EXT2: variants seen among roughly 807,000 people sequenced by gnomAD.
The protein encoded by EXT2 is exostosin glycosyltransferase 2.
A neutral mutation model predicts 81.6 loss-of-function variants in EXT2; 53 were observed. The ratio of observed to expected loss-of-function variants is 0.65; its 90% CI spans 0.52 to 0.82. The LOEUF (loss-of-function observed/expected upper bound fraction) is 0.82. Among genes scored for constraint, EXT2 ranks in the 40% least tolerant of loss-of-function variants. The pLI, the probability that EXT2 is intolerant of heterozygous loss-of-function variation, is 0.00. For missense variants in EXT2, 774 were observed against 910.2 expected (o/e 0.85, Z 1.93); for synonymous variants, 320 against 340.0 (o/e 0.94, Z 0.65).
At chr11:44,223,890 A>G (rs939634427) in intron 10 of EXT2, among the ~76,000 whole-genome samples, 16 of 152,024 alleles carry the variant, frequency 1.1e-4, no homozygotes, top group African/African-American at 3.4e-4. Flanking sequence ...TGACCTTGTG[A>G]TCCACCCGCC....
rs141822135 is a variant in EXT2 at position 44,115,872 on chromosome 11, G to A, written c.743+1571G>A. On this transcript the variant is annotated intron_variant, in intron 4 of 13. Coordinates refer to ENST00000533608, the MANE Select transcript of EXT2 (RefSeq NM_207122.2). ...TAGACGATGTGTAAAGCCCAGGTGAGCTTGAGACATTTTTGTTCCTACCCT... is the reference window on the plus strand; with the variant it reads ...TAGACGATGTGTAAAGCCCAGGTGAACTTGAGACATTTTTGTTCCTACCCT... 353 of 152,294 alleles carry A rather than the reference G, an allele frequency of 2.3e-3. 5 individuals are homozygous for A. The highest frequency in any genetic ancestry group is 7.9e-3 in the African/African-American group (328 of 41,566). 9.4% of individuals were successfully genotyped at this position (152,294 alleles called of 1,614,324 possible).
rs991125964 is a variant in EXT2, at chr11:44,244,871, A to G, written c.*584A>G. ...GCTGAGTCAGGATCCTGTCAGTTCC[A>G]TGAGCTATTCCTCTTTGGTTTGGCT... On this transcript the variant is annotated 3_prime_UTR_variant, in exon 14 of 14. Transcript: ENST00000533608. 1 of 235,580 alleles carries G rather than the reference A, an allele frequency of 4.2e-6. No homozygotes were observed. The highest frequency in any genetic ancestry group is 8.4e-6 in the Non-Finnish European group (1 of 119,292). The allele number at this position is 235,580 out of a possible 1,614,324, so 14.6% of individuals were successfully genotyped here. A position where few individuals can be genotyped will look rare whatever the true frequency, so the allele number is the denominator to read the frequency against.
At chr11:44,150,994 C>T (rs1337221055) in intron 7 of EXT2, among the ~76,000 whole-genome samples, 2 of 152,100 alleles carry the variant, frequency 1.3e-5, no homozygotes, top group African/African-American at 2.4e-5. Context: ...GAAAAATTGT[C>T]AGATGAATTA....
intron 10 of EXT2, among the ~76,000 whole-genome samples, chr11:44,230,830 C>G (rs1210348820): frequency 6.6e-6 from 1 of 152,016 alleles, no homozygotes; most frequent in Non-Finnish European, 1.5e-5. Context: ...AACAGCAACC[C>G]TAGGAAACTG....
chr11:44,179,338 CAT>C (rs1416674932), intron 8 of EXT2, among the ~76,000 whole-genome samples: 1 of 152,202 alleles, frequency 6.6e-6, no homozygotes, highest in Non-Finnish European at 1.5e-5. Flanking sequence ...AATCTACACA[CAT>C]TGTTTCCTTA....
intron 4 of EXT2, among the ~76,000 whole-genome samples, chr11:44,121,246 T>C (rs1337013239): frequency 6.6e-6 from 1 of 152,208 alleles, no homozygotes; most frequent in Non-Finnish European, 1.5e-5. Context: ...GTGATCCTGG[T>C]AACTGAATGT....
chr11:44,145,717 G>A lies in EXT2; in HGVS notation c.1173+15579G>A, dbSNP rs78327012. ...AAACTTAAGTGACAGATTCAAGATT[G>A]GGAAGAATTTTGGCATATGACTAAA... On this transcript the variant is annotated intron_variant, in intron 7 of 13. Transcript: ENST00000533608. 1.1e-3 allele frequency among the ~76,000 whole-genome samples: 164 copies of A among 152,272 alleles called. 1 individual carries two copies. The East Asian group carries it at 0.031, about 28-fold the overall frequency.
chr11:44,097,068 T>C (rs1219269794), intron 1 of EXT2, among the ~76,000 whole-genome samples: 1 of 152,232 alleles, frequency 6.6e-6, no homozygotes, highest in East Asian at 1.9e-4. Context: ...CATTTCCAGT[T>C]GTGTAATATT....
intron 10 of EXT2, among the ~76,000 whole-genome samples, chr11:44,230,484 G>C (rs950886611): frequency 5.9e-5 from 9 of 152,180 alleles, no homozygotes; most frequent in Non-Finnish European, 1.3e-4. Context: ...TGGAAATGGG[G>C]TATTTTCAGA....
chr11:44,243,212 A>G (rs1285436501), intron 13 of EXT2, among the ~76,000 whole-genome samples: 2 of 152,140 alleles, frequency 1.3e-5, no homozygotes, highest in Non-Finnish European at 2.9e-5. Flanking sequence ...CTTGACTTCA[A>G]AAGCAGCTTT....
chr11:44,140,648 T>C (rs139949941), intron 7 of EXT2, among the ~76,000 whole-genome samples: 4 of 152,284 alleles, frequency 2.6e-5, no homozygotes, highest in Non-Finnish European at 2.9e-5. Context: ...TTACTCTCCT[T>C]CTCCTTTAAA....
intron 10 of EXT2, among the ~76,000 whole-genome samples, chr11:44,210,014 T>C (rs1281649434): frequency 1.3e-5 from 2 of 152,206 alleles, no homozygotes; most frequent in Non-Finnish European, 2.9e-5. Flanking sequence ...ATAGAAAAGA[T>C]TATTCTGGCC....
intron 7 of EXT2, among the ~76,000 whole-genome samples, chr11:44,171,004 A>G (rs1955065103): frequency 6.6e-6 from 1 of 152,256 alleles, no homozygotes; most frequent in Non-Finnish European, 1.5e-5. Flanking sequence ...TTATAAGGCC[A>G]GCATAACCTT....
intron 7 of EXT2, among the ~76,000 whole-genome samples, chr11:44,167,231 A>G (rs1425077058): frequency 6.6e-6 from 1 of 152,228 alleles, no homozygotes; most frequent in Non-Finnish European, 1.5e-5. Context: ...AAGAAAGTGA[A>G]AAATGTGCTC....
At chr11:44,175,521 T>C (rs1433860312) in intron 8 of EXT2, among the ~76,000 whole-genome samples, 28 of 152,166 alleles carry the variant, frequency 1.8e-4, no homozygotes, top group Admixed American at 1.8e-3. Flanking sequence ...TTGGCACACC[T>C]TTCTTCCCCA....
At chr11:44,213,985 G>A (rs1032833153) in intron 10 of EXT2, among the ~76,000 whole-genome samples, 1 of 152,070 alleles carries the variant, frequency 6.6e-6, no homozygotes, top group African/African-American at 2.4e-5. Context: ...TTAGAAAAGA[G>A]GAAAAATAAA....
At chr11:44,122,831 A>G (rs746096255) in intron 4 of EXT2, among the ~76,000 whole-genome samples, 1 of 152,234 alleles carries the variant, frequency 6.6e-6, no homozygotes, top group Admixed American at 6.5e-5. Flanking sequence ...CCAGCCACAT[A>G]TGGCTATTTG....
intron 9 of EXT2, among the ~76,000 whole-genome samples, chr11:44,201,892 G>A (rs947686784): frequency 3.9e-5 from 6 of 152,050 alleles, no homozygotes; most frequent in African/African-American, 1.4e-4. Flanking sequence ...TTCTTTGATT[G>A]CTACCCTCTC....
intron 8 of EXT2, among the ~76,000 whole-genome samples, chr11:44,192,452 T>G (rs1955405063): frequency 6.6e-6 from 1 of 152,186 alleles, no homozygotes; most frequent in African/African-American, 2.4e-5. Context: ...TATACCAGGC[T>G]TATAGTGTAT....
Sources: gnomAD v4.1 joint callset for allele counts (sites outside exome capture counted in the v4.1 genomes callset) on GRCh38, gnomAD v4.1.1 for gene constraint, MANE v1.5 for transcripts, NCBI Gene and HGNC (gene_info 2026-07-23, HGNC 2026-07-21) for gene names.